IL1RAPL1: variants seen among roughly 807,000 people sequenced by gnomAD.
The protein encoded by IL1RAPL1 is interleukin 1 receptor accessory protein like 1.
IL1RAPL1 carries 3 observed loss-of-function variants against 48.4 expected under a neutral mutation model. That is an observed-to-expected ratio of 0.06 (90% CI 0.03 to 0.16). IL1RAPL1 has a LOEUF of 0.16. IL1RAPL1 is among the 10% of genes least tolerant of loss of function. IL1RAPL1 has a pLI of 1.00. For missense variants in IL1RAPL1, 349 were observed against 530.6 expected (o/e 0.66, Z 3.36); for synonymous variants, 185 against 187.7 (o/e 0.99, Z 0.12).
intron 2 of IL1RAPL1, among the ~76,000 whole-genome samples, chrX:29,096,024 CA>C (rs1245990649): frequency 8.9e-6 from 1 of 111,772 alleles, no homozygotes; most frequent in Non-Finnish European, 1.9e-5. Context: ...AACTCTCTTA[CA>C]TTAAAGAGTA....
intron 2 of IL1RAPL1, among the ~76,000 whole-genome samples, chrX:28,900,079 T>C (rs755373999): frequency 8.9e-6 from 1 of 112,141 alleles, no homozygotes; most frequent in Non-Finnish European, 1.9e-5. Context: ...GTGACTTCAC[T>C]AAGGACTCCG....
At chrX:28,793,123 C>T (rs1197009912) in intron 2 of IL1RAPL1, among the ~76,000 whole-genome samples, 1 of 107,698 alleles carries the variant, frequency 9.3e-6, no homozygotes, top group Admixed American at 1.0e-4. Flanking sequence ...TTATAAGTAG[C>T]ACTTGATGAA....
At chrX:28,696,866 A>G (rs1935237472) in intron 1 of IL1RAPL1, among the ~76,000 whole-genome samples, 1 of 111,545 alleles carries the variant, frequency 9.0e-6, no homozygotes, top group Non-Finnish European at 1.9e-5. Flanking sequence ...CATTGCTCCC[A>G]GGCTTTGGCA....
intron 1 of IL1RAPL1, among the ~76,000 whole-genome samples, chrX:28,701,249 G>A (rs1935292745): frequency 9.0e-6 from 1 of 111,643 alleles, no homozygotes; most frequent in Non-Finnish European, 1.9e-5. Context: ...AAGTGATTTT[G>A]CCCCATTTGG....
At chrX:28,802,325 A>G (rs1936685651) in intron 2 of IL1RAPL1, among the ~76,000 whole-genome samples, 1 of 112,115 alleles carries the variant, frequency 8.9e-6, no homozygotes, top group Admixed American at 9.5e-5. Context: ...TTCTTTTTGT[A>G]GAGTTATGGT....
intron 2 of IL1RAPL1, among the ~76,000 whole-genome samples, chrX:29,076,217 A>C (rs1410556880): frequency 8.9e-6 from 1 of 111,912 alleles, no homozygotes; most frequent in Non-Finnish European, 1.9e-5. Context: ...ACTTTTAGTA[A>C]TTGTCAATAA....
intron 2 of IL1RAPL1, among the ~76,000 whole-genome samples, chrX:28,962,825 G>A (rs972992801): frequency 1.8e-5 from 2 of 109,442 alleles, no homozygotes; most frequent in Admixed American, 9.9e-5. Flanking sequence ...TATCCGTGGG[G>A]GGGGTCCTGG....
chrX:28,969,904 C>CACATATGTTTCTAA (rs1555947907), intron 2 of IL1RAPL1, among the ~76,000 whole-genome samples: 1 of 43,002 alleles, frequency 2.3e-5, no homozygotes, highest in Admixed American at 2.7e-4. Context: ...TGTTTCTAAA[C>CACATATGTTTCTAA]ACACATATAT....
At chrX:29,877,613 A>T in intron 6 of IL1RAPL1, among the ~76,000 whole-genome samples, 1 of 111,842 alleles carries the variant, frequency 8.9e-6, no homozygotes, top group East Asian at 2.8e-4. Context: ...GACATTAGGC[A>T]CATTTAAATA....
chrX:29,184,552 G>A (rs1433373985), intron 2 of IL1RAPL1, among the ~76,000 whole-genome samples: 1 of 111,214 alleles, frequency 9.0e-6, no homozygotes, highest in Admixed American at 9.5e-5. Flanking sequence ...CCAGGCTGGA[G>A]CACAGAGGCT....
At position 29,918,968 on chromosome X, in the gene IL1RAPL1, G is replaced by A. The variant is rs10126127; in HGVS notation, c.912-981G>A. ...TCCCATCTAAAGATTGCATCTTCTGGGTATATACAAACATTTTAATCATGG... is the reference window on the plus strand; with the variant it reads ...TCCCATCTAAAGATTGCATCTTCTGAGTATATACAAACATTTTAATCATGG... On this transcript the variant is annotated intron_variant, in intron 7 of 10. Transcript: ENST00000378993. Among the ~76,000 whole-genome samples the A allele has an allele frequency of 2.9e-3, 317 of 110,903 alleles. 2 individuals carry two copies. Among genetic ancestry groups the A allele is most frequent in the South Asian group, 0.011 (29 of 2,616 alleles).
At chrX:29,752,730 A>G (rs902009514) in intron 6 of IL1RAPL1, among the ~76,000 whole-genome samples, 1 of 111,080 alleles carries the variant, frequency 9.0e-6, no homozygotes, top group Admixed American at 9.6e-5. Flanking sequence ...GCATCCCCAG[A>G]TATTCTACCT....
chrX:29,903,159 CGTGTGT>C (rs751071711), intron 6 of IL1RAPL1, among the ~76,000 whole-genome samples: 1 of 99,694 alleles, frequency 1.0e-5, no homozygotes, highest in Non-Finnish European at 2.0e-5. Flanking sequence ...CATTTGTCTC[CGTGTGT>C]GTGTGTGTGT....
At chrX:28,942,659 A>T (rs1924193907) in intron 2 of IL1RAPL1, 1 of 108,004 alleles carries the variant, frequency 9.3e-6, no homozygotes, top group Non-Finnish European at 1.9e-5. Flanking sequence ...GTAAAAAAAA[A>T]AAAAAAAAAA....
intron 1 of IL1RAPL1, among the ~76,000 whole-genome samples, chrX:28,603,225 C>T (rs758569456): frequency 9.0e-6 from 1 of 111,483 alleles, no homozygotes; most frequent in African/African-American, 3.3e-5. Context: ...TAAAAGTGTT[C>T]ATTATACAAT....
At chrX:28,767,340 G>A (rs1022593144) in intron 1 of IL1RAPL1, among the ~76,000 whole-genome samples, 2 of 110,692 alleles carry the variant, frequency 1.8e-5, no homozygotes, top group Non-Finnish European at 3.8e-5. Context: ...GTGTCTAATA[G>A]CCTTTTCTCT....
intron 2 of IL1RAPL1, among the ~76,000 whole-genome samples, chrX:29,201,152 A>G (rs1930546737): frequency 8.9e-6 from 1 of 111,748 alleles, no homozygotes. Flanking sequence ...TCCAATGCCT[A>G]GAGTCTATAA....
chrX:29,623,239 G>A (rs920797129), intron 5 of IL1RAPL1, among the ~76,000 whole-genome samples: 4 of 107,099 alleles, frequency 3.7e-5, no homozygotes, highest in African/African-American at 1.4e-4. Flanking sequence ...GCCGAGATGC[G>A]CCACTGCACT....
intron 3 of IL1RAPL1, among the ~76,000 whole-genome samples, chrX:29,358,502 A>G (rs1490790275): frequency 9.1e-6 from 1 of 110,194 alleles, no homozygotes; most frequent in Non-Finnish European, 1.9e-5. Context: ...TTAATTGGGT[A>G]CTTACCAAAA....
Sources: gnomAD v4.1 joint callset for allele counts (sites outside exome capture counted in the v4.1 genomes callset) on GRCh38, gnomAD v4.1.1 for gene constraint, MANE v1.5 for transcripts, NCBI Gene and HGNC (gene_info 2026-07-23, HGNC 2026-07-21) for gene names.